The following SSBP2 variants were observed in gnomAD, a reference collection of about 807,000 sequenced individuals.
The protein encoded by SSBP2 is single stranded DNA binding protein 2, also known as single-stranded DNA-binding protein 2.
SSBP2 carries 17 observed loss-of-function variants against 61.8 expected under a neutral mutation model. The observed-to-expected ratio is 0.28, with a 90% CI of 0.19 to 0.41. The LOEUF (loss-of-function observed/expected upper bound fraction) is 0.41. SSBP2 is among the 10% of genes least tolerant of loss of function. SSBP2 has a pLI of 1.00. For synonymous variants in SSBP2, 139 were observed against 141.3 expected (o/e 0.98, Z 0.12); for missense variants, 310 against 458.7 (o/e 0.68, Z 2.96).
chr5:81,725,895 T>C (rs1755851997), intron 1 of SSBP2, among the ~76,000 whole-genome samples: 1 of 152,104 alleles, frequency 6.6e-6, no homozygotes, highest in African/African-American at 2.4e-5. Flanking sequence ...ACATGGTGGG[T>C]TGATACTTTC....
intron 16 of SSBP2, among the ~76,000 whole-genome samples, chr5:81,423,195 T>C (rs1157005408): frequency 6.6e-6 from 1 of 152,238 alleles, no homozygotes; most frequent in African/African-American, 2.4e-5. Flanking sequence ...TATAACTTTC[T>C]GTGATGATGA....
At chr5:81,590,356 A>C (rs1775406026) in intron 4 of SSBP2, among the ~76,000 whole-genome samples, 1 of 152,332 alleles carries the variant, frequency 6.6e-6, no homozygotes, top group Admixed American at 6.5e-5. Context: ...AGAAGGCTGG[A>C]AACAGCATCA....
intron 1 of SSBP2, among the ~76,000 whole-genome samples, chr5:81,657,269 T>G (rs1750311989): frequency 6.6e-6 from 1 of 152,210 alleles, no homozygotes; most frequent in Non-Finnish European, 1.5e-5. Context: ...CCAAACAATT[T>G]ATAATAATGC....
At chr5:81,743,997 CCTG>C (rs1757195933) in intron 1 of SSBP2, among the ~76,000 whole-genome samples, 1 of 152,274 alleles carries the variant, frequency 6.6e-6, no homozygotes, top group South Asian at 2.1e-4. Flanking sequence ...TTTTCTGTCT[CCTG>C]TTTTGATACC....
intron 1 of SSBP2, among the ~76,000 whole-genome samples, chr5:81,710,094 G>C (rs1404725637): frequency 6.6e-6 from 1 of 152,016 alleles, no homozygotes; most frequent in Non-Finnish European, 1.5e-5. Flanking sequence ...AAAACCAAGA[G>C]AGTGAACTCT....
In SSBP2 at chr5:81,414,948, G is replaced by T. The variant is rs75607524; in HGVS notation, c.*5556C>A. The stretch of plus-strand genomic sequence containing the variant: ...TCCCAACACACACACACAGGTACAC[G>T]CAACATATTTAGTATGCAAAATGGA... On this transcript the variant is annotated 3_prime_UTR_variant, in exon 17 of 17. Transcript: ENST00000320672. 1 of 152,054 alleles carries T rather than the reference G, an allele frequency of 6.6e-6. No homozygotes were observed. The highest frequency in any genetic ancestry group is 1.5e-5 in the Non-Finnish European group (1 of 68,010). 9.4% of individuals were successfully genotyped at this position (152,054 alleles called of 1,614,324 possible).
At chr5:81,461,010 G>T in intron 10 of SSBP2, 45 bp downstream of exon 10, 3 of 1,186,654 alleles carry the variant, frequency 2.5e-6, no homozygotes, top group Non-Finnish European at 3.3e-6. Flanking sequence ...TTTGTTAAAT[G>T]TTACAAAATG....
At chr5:81,601,690 C>A (rs1744377269) in intron 4 of SSBP2, among the ~76,000 whole-genome samples, 1 of 152,110 alleles carries the variant, frequency 6.6e-6, no homozygotes, top group African/African-American at 2.4e-5. Context: ...TCACAACCAT[C>A]CCAATATAAA....
chr5:81,685,309 A>G (rs1378337028), intron 1 of SSBP2, among the ~76,000 whole-genome samples: 1 of 152,230 alleles, frequency 6.6e-6, no homozygotes, highest in Non-Finnish European at 1.5e-5. Flanking sequence ...GTTAATATAT[A>G]GGATACATTT....
chr5:81,507,105 AG>A (rs1768238511), intron 5 of SSBP2, among the ~76,000 whole-genome samples: 1 of 152,122 alleles, frequency 6.6e-6, no homozygotes, highest in Non-Finnish European at 1.5e-5. Context: ...TGCTAAAAAT[AG>A]AAAGTCTAGA....
At chr5:81,549,654 A>C (rs552463547) in intron 4 of SSBP2, among the ~76,000 whole-genome samples, 1 of 152,218 alleles carries the variant, frequency 6.6e-6, no homozygotes, top group Non-Finnish European at 1.5e-5. Context: ...TGAATGATTC[A>C]TACAAAAATT....
chr5:81,420,561 A>C, intron 16 of SSBP2, 28 bp from the exon 17 acceptor site: 2 of 1,601,522 alleles, frequency 1.2e-6, no homozygotes, highest in Middle Eastern at 1.7e-4. Flanking sequence ...TCCATATTTT[A>C]ACAACAATTC....
At chr5:81,680,174 T>C (rs960485138) in intron 1 of SSBP2, among the ~76,000 whole-genome samples, 1 of 151,754 alleles carries the variant, frequency 6.6e-6, no homozygotes, top group Non-Finnish European at 1.5e-5. Flanking sequence ...GAGTTTGGAC[T>C]AGAACTACAT....
chr5:81,532,120 G>C (rs976307343), intron 4 of SSBP2, among the ~76,000 whole-genome samples: 1 of 152,006 alleles, frequency 6.6e-6, no homozygotes, highest in Non-Finnish European at 1.5e-5. Context: ...CATATACAGA[G>C]CCAAGTTTAT....
chr5:81,700,207 A>C (rs1195242654), intron 1 of SSBP2, among the ~76,000 whole-genome samples: 1 of 152,188 alleles, frequency 6.6e-6, no homozygotes, highest in Non-Finnish European at 1.5e-5. Flanking sequence ...CATAGGTTAC[A>C]GAATGGATGT....
chr5:81,737,435 G>C (rs961666818), intron 1 of SSBP2, among the ~76,000 whole-genome samples: 10 of 151,762 alleles, frequency 6.6e-5, no homozygotes, highest in African/African-American at 2.4e-4. Flanking sequence ...CATCTAACTT[G>C]AGTTCACTCC....
intron 5 of SSBP2, among the ~76,000 whole-genome samples, chr5:81,492,849 C>T (rs1766961978): frequency 6.6e-6 from 1 of 151,638 alleles, no homozygotes; most frequent in Admixed American, 6.6e-5. Flanking sequence ...TTCTAAAGTC[C>T]CTTTTAAAAT....
intron 1 of SSBP2, among the ~76,000 whole-genome samples, chr5:81,672,614 C>T (rs1200907075): frequency 1.3e-5 from 2 of 150,928 alleles, no homozygotes; most frequent in Non-Finnish European, 3.0e-5. Context: ...TCTTGTTGTC[C>T]AGGCTGGAGT....
At chr5:81,688,570 A>G (rs1425466416) in intron 1 of SSBP2, among the ~76,000 whole-genome samples, 5 of 152,220 alleles carry the variant, frequency 3.3e-5, no homozygotes, top group Non-Finnish European at 7.3e-5. Flanking sequence ...CACAGACAGA[A>G]AGACTGTTTG....
Sources: allele counts gnomAD v4.1 joint callset (sites outside exome capture counted in the v4.1 genomes callset), GRCh38; gene constraint gnomAD v4.1.1; transcripts MANE v1.5; gene names NCBI Gene and HGNC (gene_info 2026-07-23, HGNC 2026-07-21).